LEKR1: variants seen among roughly 807,000 people sequenced by gnomAD.
LEKR1 encodes the protein leucine, glutamate and lysine rich 1.
In LEKR1, 59 loss-of-function variants were observed where a neutral mutation model predicts 72.4. That is an observed-to-expected ratio of 0.82 (90% CI 0.66 to 1.01). LEKR1 has a LOEUF of 1.01. LEKR1 is among the 50% of genes least tolerant of loss of function. LEKR1 has a pLI of 0.00. For missense variants in LEKR1, 728 were observed against 759.2 expected (o/e 0.96, Z 0.48); for synonymous variants, 257 against 263.2 (o/e 0.98, Z 0.23).
At chr3:156,867,955 G>T (rs1300976976) in intron 3 of LEKR1, among the ~76,000 whole-genome samples, 1 of 151,984 alleles carries the variant, frequency 6.6e-6, no homozygotes, top group Non-Finnish European at 1.5e-5. Context: ...CTACTGGAAG[G>T]TACTGAGCTT....
chr3:156,935,263 A>C (rs1725588482), intron 5 of LEKR1, among the ~76,000 whole-genome samples: 1 of 152,222 alleles, frequency 6.6e-6, no homozygotes, highest in African/African-American at 2.4e-5. Context: ...TGCACACATG[A>C]GGACAGTATA....
At chr3:157,016,091 G>A (rs1733300033) in intron 10 of LEKR1, among the ~76,000 whole-genome samples, 2 of 152,142 alleles carry the variant, frequency 1.3e-5, no homozygotes, top group South Asian at 2.1e-4. Context: ...TGAGCCATGA[G>A]ACAGATTCAA....
intron 3 of LEKR1, among the ~76,000 whole-genome samples, chr3:156,860,626 G>A (rs1560031896): frequency 6.6e-6 from 1 of 152,188 alleles, no homozygotes; most frequent in Non-Finnish European, 1.5e-5. Flanking sequence ...TACCTGGCTG[G>A]AGTAGAGGGT....
chr3:157,027,269 T>A (rs1291875361), intron 11 of LEKR1, among the ~76,000 whole-genome samples: 1 of 152,052 alleles, frequency 6.6e-6, no homozygotes, highest in Non-Finnish European at 1.5e-5. Context: ...CCATATTGGA[T>A]AGCATAGAAT....
chr3:156,944,740 G>T (rs1233514358), intron 6 of LEKR1, among the ~76,000 whole-genome samples: 2 of 151,698 alleles, frequency 1.3e-5, no homozygotes, highest in Non-Finnish European at 3.0e-5. Flanking sequence ...TGTTGCAAAT[G>T]ATTGTATCTC....
chr3:157,032,952 C>T (rs1038593850), intron 12 of LEKR1, among the ~76,000 whole-genome samples: 1 of 152,094 alleles, frequency 6.6e-6, no homozygotes, highest in African/African-American at 2.4e-5. Flanking sequence ...TAAACTCTTT[C>T]ATTATTATTA....
At chr3:156,845,832 T>C (rs954498769) in intron 2 of LEKR1, among the ~76,000 whole-genome samples, 5 of 152,152 alleles carry the variant, frequency 3.3e-5, no homozygotes, top group African/African-American at 1.2e-4. Flanking sequence ...TACATACAAA[T>C]TTGAGAATAA....
intron 12 of LEKR1, among the ~76,000 whole-genome samples, chr3:157,036,763 G>C (rs1410157113): frequency 6.6e-6 from 1 of 152,174 alleles, no homozygotes; most frequent in Non-Finnish European, 1.5e-5. Context: ...TTCTTAGAAT[G>C]TTGAGCAGAA....
chr3:156,877,570 A>T (rs1403278561), intron 3 of LEKR1, among the ~76,000 whole-genome samples: 1 of 152,086 alleles, frequency 6.6e-6, no homozygotes, highest in Admixed American at 6.6e-5. Flanking sequence ...CCAGGAATGT[A>T]TCCATTTCCC....
At chr3:156,918,239 T>G (rs1211001197) in intron 3 of LEKR1, among the ~76,000 whole-genome samples, 1 of 152,040 alleles carries the variant, frequency 6.6e-6, no homozygotes, top group Non-Finnish European at 1.5e-5. Flanking sequence ...TATAGGAGGG[T>G]CAATTCTTAT....
intron 10 of LEKR1, chr3:157,017,833 C>G (rs1337566044): frequency 1.3e-5 from 2 of 151,550 alleles, no homozygotes; most frequent in Admixed American, 6.6e-5. Context: ...CCTGTAGTCC[C>G]AGCTACTTGG....
At chr3:157,016,274 G>A (rs1007352170) in intron 10 of LEKR1, among the ~76,000 whole-genome samples, 1 of 152,116 alleles carries the variant, frequency 6.6e-6, no homozygotes, top group East Asian at 1.9e-4. Context: ...TTCACCAAGG[G>A]AAATTATAAT....
intron 6 of LEKR1, among the ~76,000 whole-genome samples, chr3:156,964,393 T>G: frequency 6.6e-6 from 1 of 152,176 alleles, no homozygotes. Flanking sequence ...CTCACTCTTT[T>G]TTATTAAAAT....
At chr3:156,970,257 G>C (rs967546666) in intron 6 of LEKR1, among the ~76,000 whole-genome samples, 1 of 152,206 alleles carries the variant, frequency 6.6e-6, no homozygotes, top group Non-Finnish European at 1.5e-5. Flanking sequence ...ACATAATGAT[G>C]GAAGTTCTGG....
intron 6 of LEKR1, among the ~76,000 whole-genome samples, chr3:156,966,795 C>A (rs57587016): frequency 6.6e-6 from 1 of 152,116 alleles, no homozygotes; most frequent in South Asian, 2.1e-4. Context: ...TCTCCCAGCA[C>A]GCAGCTGGAG....
chr3:156,829,158 T>G, intron 1 of LEKR1, 128 bp from the exon 2 acceptor site: 5 of 536,660 alleles, frequency 9.3e-6, no homozygotes, highest in Non-Finnish European at 1.3e-5. Flanking sequence ...ATTGAGCTGA[T>G]GAAATAAGCA....
At chr3:156,986,953 A>G (rs9829685) in intron 7 of LEKR1, among the ~76,000 whole-genome samples, 77,672 of 151,844 alleles carry the variant, frequency 0.51, 22,279 homozygotes, top group South Asian at 0.79. Flanking sequence ...TAGTTTAAGA[A>G]TGGCTGTTCC....
intron 3 of LEKR1, among the ~76,000 whole-genome samples, chr3:156,880,860 A>G (rs1368342195): frequency 6.6e-6 from 1 of 152,264 alleles, no homozygotes; most frequent in African/African-American, 2.4e-5. Context: ...GCAAATCAAT[A>G]AATGTAATCC....
intron 9 of LEKR1, among the ~76,000 whole-genome samples, chr3:156,999,665 C>T (rs974500494): frequency 6.6e-6 from 1 of 152,210 alleles, no homozygotes; most frequent in African/African-American, 2.4e-5. Flanking sequence ...TTTGCCATCT[C>T]TCCTTACCAA....
Sources: allele counts gnomAD v4.1 joint callset (sites outside exome capture counted in the v4.1 genomes callset), GRCh38; gene constraint gnomAD v4.1.1; transcripts MANE v1.5; gene names NCBI Gene and HGNC (gene_info 2026-07-23, HGNC 2026-07-21).